The following NOL4 variants were observed in gnomAD, a reference collection of about 807,000 sequenced individuals.
NOL4 encodes the protein cancer/testis antigen 125.
NOL4 carries 17 observed loss-of-function variants against 75.9 expected under a neutral mutation model. The observed-to-expected ratio is 0.22, with a 90% CI of 0.15 to 0.34. The LOEUF is 0.34. Ranked by LOEUF, NOL4 falls within the 10% of genes least tolerant of loss-of-function variation. NOL4 has a pLI of 1.00. For missense variants in NOL4, 614 were observed against 793.5 expected (o/e 0.77, Z 2.72); for synonymous variants, 292 against 289.9 (o/e 1.01, Z -0.07).
At chr18:33,915,156 C>T (rs752885238) in intron 9 of NOL4, among the ~76,000 whole-genome samples, 19 of 152,058 alleles carry the variant, frequency 1.2e-4, no homozygotes, top group Non-Finnish European at 2.2e-4. Context: ...ACAAATGCCC[C>T]TGATAGTGCA....
chr18:34,078,810 G>C (rs1344674432), intron 5 of NOL4, among the ~76,000 whole-genome samples: 1 of 152,068 alleles, frequency 6.6e-6, no homozygotes, highest in Admixed American at 6.5e-5. Flanking sequence ...TTACTACAAG[G>C]TATTAAAAAA....
rs538121345 is a variant in NOL4, at chr18:33,921,095, T to A, written c.1542+21970A>T. Among the ~76,000 whole-genome samples, 6 of 152,308 alleles carry A rather than the reference T, an allele frequency of 3.9e-5. No homozygotes were observed. The South Asian group carries it at 6.2e-4, about 16-fold the overall frequency. On this transcript the variant is annotated intron_variant, in intron 9 of 10. Transcript: ENST00000261592. ...ATTTTTTCCCTTTGGGATGGAAATG[T>A]CCATCCTATGTCTGTCCCACCATTG...
intron 7 of NOL4, among the ~76,000 whole-genome samples, chr18:33,957,968 C>T (rs547517110): frequency 2.6e-5 from 4 of 152,198 alleles, no homozygotes; most frequent in Non-Finnish European, 4.4e-5. Context: ...CGTACTCTTC[C>T]GAGGACTAAG....
chr18:34,093,967 A>G (rs981186555), intron 4 of NOL4, among the ~76,000 whole-genome samples: 4 of 152,046 alleles, frequency 2.6e-5, no homozygotes, highest in South Asian at 2.1e-4. Context: ...GCTTGAACCC[A>G]GGAGGCAGAG....
At chr18:34,000,908 TAGAG>T (rs773755159) in intron 6 of NOL4, among the ~76,000 whole-genome samples, 4 of 152,118 alleles carry the variant, frequency 2.6e-5, no homozygotes, top group African/African-American at 9.7e-5. Flanking sequence ...AAACATGACT[TAGAG>T]AGAGATGGTG....
In NOL4 at chr18:34,223,562, C is replaced by G. The variant is rs1027784312; in HGVS notation, c.-309G>C. On this transcript the variant is annotated 5_prime_UTR_variant, in exon 1 of 11. Coordinates refer to ENST00000261592, the MANE Select transcript of NOL4 (RefSeq NM_003787.5). ...TGACCAGGACCATCCCAACACCATT[C>G]TGGCCCAGAGGAGCTGGGTTTTCAA... The G allele has an allele frequency of 1.8e-5, 7 of 397,072 alleles. No homozygotes were observed. The highest frequency in any genetic ancestry group is 3.2e-5 in the Non-Finnish European group (7 of 221,742). The allele number at this position is 397,072 out of a possible 1,614,324, so 24.6% of individuals were successfully genotyped here. A position where few individuals can be genotyped will look rare whatever the true frequency, so the allele number is the denominator to read the frequency against.
intron 1 of NOL4, among the ~76,000 whole-genome samples, chr18:34,211,472 T>C (rs2036513061): frequency 1.3e-5 from 2 of 152,210 alleles, no homozygotes; most frequent in African/African-American, 4.8e-5. Flanking sequence ...ATGACCAGGC[T>C]AGGCCTTAGA....
At chr18:34,139,179 A>G (rs576329449) in intron 1 of NOL4, among the ~76,000 whole-genome samples, 1 of 152,324 alleles carries the variant, frequency 6.6e-6, no homozygotes, top group African/African-American at 2.4e-5. Context: ...TATCAGGATG[A>G]TGCTGGTCTC....
At chr18:33,993,215 C>T (rs2073048130) in intron 6 of NOL4, among the ~76,000 whole-genome samples, 1 of 151,864 alleles carries the variant, frequency 6.6e-6, no homozygotes, top group East Asian at 1.9e-4. Context: ...AAATTATACT[C>T]CAGTGCATTG....
chr18:33,936,851 C>A (rs1243149556), intron 9 of NOL4, among the ~76,000 whole-genome samples: 1 of 152,104 alleles, frequency 6.6e-6, no homozygotes, highest in East Asian at 1.9e-4. Context: ...AAAAATAATA[C>A]ACTGATAGGA....
At chr18:33,940,134 G>C (rs2068364626) in intron 9 of NOL4, among the ~76,000 whole-genome samples, 1 of 152,012 alleles carries the variant, frequency 6.6e-6, no homozygotes, top group Admixed American at 6.6e-5. Flanking sequence ...CATTGTGGAA[G>C]ACAATGTGGC....
chr18:34,125,205 C>T (rs2080330901), intron 2 of NOL4, among the ~76,000 whole-genome samples: 1 of 152,062 alleles, frequency 6.6e-6, no homozygotes, highest in South Asian at 2.1e-4. Context: ...CACTATGACA[C>T]AGAAGGAAAA....
chr18:34,213,923 T>G (rs2036691561), intron 1 of NOL4, among the ~76,000 whole-genome samples: 1 of 152,194 alleles, frequency 6.6e-6, no homozygotes, highest in African/African-American at 2.4e-5. Context: ...GAAACATTCA[T>G]TTTACTTTTA....
At chr18:33,853,359 G>A (rs1041406978) in intron 10 of NOL4, among the ~76,000 whole-genome samples, 13 of 151,956 alleles carry the variant, frequency 8.6e-5, no homozygotes, top group Admixed American at 6.6e-5. Flanking sequence ...TGTTGTAGAC[G>A]CTTCTCATAG....
At chr18:33,919,185 T>A (rs1297120957) in intron 9 of NOL4, among the ~76,000 whole-genome samples, 1 of 152,168 alleles carries the variant, frequency 6.6e-6, no homozygotes, top group Non-Finnish European at 1.5e-5. Context: ...TTGGACCCTG[T>A]TGCCATTGCT....
chr18:34,109,987 G>A, intron 2 of NOL4, among the ~76,000 whole-genome samples: 1 of 151,702 alleles, frequency 6.6e-6, no homozygotes, highest in Admixed American at 6.6e-5. Context: ...TCGATAGTGA[G>A]TAAGGGATCA....
chr18:33,998,647 GACA>G (rs576114901), intron 6 of NOL4, among the ~76,000 whole-genome samples: 1 of 152,036 alleles, frequency 6.6e-6, no homozygotes, highest in South Asian at 2.1e-4. Flanking sequence ...TATATTTTTG[GACA>G]ACACTTTTTA....
rs899557763 is a variant in NOL4, at chr18:33,852,287, A to G, written c.*555T>C. 5 of 152,456 alleles carry G rather than the reference A, an allele frequency of 3.3e-5. No individual in the cohort carries two copies. Among genetic ancestry groups the G allele is most frequent in the Non-Finnish European group, 5.9e-5 (4 of 67,994 alleles). 9.4% of individuals were successfully genotyped at this position (152,456 alleles called of 1,614,324 possible). On this transcript the variant is annotated 3_prime_UTR_variant, in exon 11 of 11. Coordinates refer to ENST00000261592, the MANE Select transcript of NOL4 (RefSeq NM_003787.5). ...TTTCTCAAAACAGTTTTCTTTTAGG[A>G]CCTATGAAAAAGTTACCAAAGTAAA...
chr18:33,979,542 A>T (rs1326032951), intron 6 of NOL4, among the ~76,000 whole-genome samples: 1 of 152,044 alleles, frequency 6.6e-6, no homozygotes, highest in Non-Finnish European at 1.5e-5. Flanking sequence ...AAAATACTAT[A>T]ACAGGTCCAC....
Sources: gnomAD v4.1 joint callset for allele counts (sites outside exome capture counted in the v4.1 genomes callset) on GRCh38, gnomAD v4.1.1 for gene constraint, MANE v1.5 for transcripts, NCBI Gene and HGNC (gene_info 2026-07-23, HGNC 2026-07-21) for gene names.